The following SARS1 variants were observed in gnomAD, a reference collection of about 807,000 sequenced individuals.
SARS1 encodes the protein seryl-tRNA synthetase 1.
Under a neutral mutation model 63.7 loss-of-function variants are expected in SARS1, and 25 were observed. That is an observed-to-expected ratio of 0.39 (90% CI 0.29 to 0.55). The LOEUF (loss-of-function observed/expected upper bound fraction) is 0.55, where lower values mean the gene tolerates loss of function less well. SARS1 is among the 20% of genes least tolerant of loss of function. The pLI, the probability that SARS1 is intolerant of heterozygous loss-of-function variation, is 0.62. For synonymous variants in SARS1, 231 were observed against 243.5 expected (o/e 0.95, Z 0.48); for missense variants, 417 against 649.7 (o/e 0.64, Z 3.89).
intron 8 of SARS1, 103 bp from the exon 9 acceptor site, chr1:109,236,288 T>A: frequency 7.4e-7 from 1 of 1,353,072 alleles, no homozygotes; most frequent in Non-Finnish European, 1.0e-6. Flanking sequence ...TGATTTCACC[T>A]CTGGAGACAG....
rs1315553476 is a variant in SARS1, at chr1:109,235,813, A to C, written c.970-164A>C. ...GCTGGCATGCATACGGGAAGCTCGC[A>C]CCATAAGCATTTGCTCTTGTGGTCC... On this transcript the variant is annotated intron_variant, in intron 7 of 10. Coordinates refer to ENST00000234677, the MANE Select transcript of SARS1 (RefSeq NM_006513.4). This position sits in a 1 kb window ranked among gnomAD's most constrained non-coding sequence, Gnocchi z 4.7. Among the ~76,000 whole-genome samples, 2 of 152,200 alleles carry C rather than the reference A, an allele frequency of 1.3e-5. No homozygotes were observed. Among genetic ancestry groups the C allele is most frequent in the African/African-American group, 2.4e-5 (1 of 41,452 alleles).
At chr1:109,216,739 AGACTTCT>A (rs1654798166) in intron 1 of SARS1, 1 of 498,660 alleles carries the variant, frequency 2.0e-6, no homozygotes, top group Admixed American at 6.4e-5. Context: ...CTCCTGCCTT[AGACTTCT>A]GACTAGCTGA....
Position 109,213,970 on chromosome 1 carries a change from G to C in SARS1, c.-23G>C. ...TGCGGCGCGATCCTTGCTTCCCTGA[G>C]CGTTGGCCCGGGAGGAAAGAAGATG... On this transcript the variant is annotated 5_prime_UTR_variant, in exon 1 of 11. Transcript: ENST00000234677. 1 of 1,602,156 alleles carries C rather than the reference G, an allele frequency of 6.2e-7. No individual in the cohort carries two copies. Among genetic ancestry groups the C allele is most frequent in the Non-Finnish European group, 8.5e-7 (1 of 1,173,404 alleles).
At chr1:109,219,270 T>TATATATATAC (rs1276166359) in intron 1 of SARS1, among the ~76,000 whole-genome samples, 2 of 59,856 alleles carry the variant, frequency 3.3e-5, no homozygotes, top group African/African-American at 1.3e-4. Flanking sequence ...TCCATATATA[T>TATATATATAC]ATATATATAT....
chr1:109,214,818 T>A lies in SARS1; in HGVS notation c.136+690T>A. On this transcript the variant is annotated intron_variant, in intron 1 of 10. Transcript: ENST00000234677. The surrounding 1 kb of genome is among the most constrained non-coding windows in gnomAD (Gnocchi z 4.6). Reference sequence around the variant, plus strand: ...ATTGTGATTTGTGGACGTTTTCCTTTAAAGACATTGGCAGAGTTGGGCTAG... The same window carrying A: ...ATTGTGATTTGTGGACGTTTTCCTTAAAAGACATTGGCAGAGTTGGGCTAG... 1.0e-6 allele frequency: 1 copy of A among 985,486 alleles called. No individual in the cohort carries two copies. The highest frequency in any genetic ancestry group is 1.2e-6 in the Non-Finnish European group (1 of 829,946). The allele number at this position is 985,486 out of a possible 1,614,324, so 61.0% of individuals were successfully genotyped here.
rs575537187 is a variant in SARS1, at chr1:109,231,305, G to T, written c.591+284G>T. 6.7e-5 allele frequency: 18 copies of T among 267,262 alleles called. No homozygotes were observed. In the East Asian group the frequency reaches 1.3e-3, roughly 19 times the overall value. 16.6% of individuals were successfully genotyped at this position (267,262 alleles called of 1,614,324 possible). On this transcript the variant is annotated intron_variant, in intron 5 of 10. Coordinates refer to ENST00000234677, the MANE Select transcript of SARS1 (RefSeq NM_006513.4). ...TCAGAACAGTCTCTGCCTTTAAGTA[G>T]CTCAGTATAATTGGACAGTCAGACA...
rs41279696 is a variant in SARS1, at chr1:109,237,023, T to G, written c.1258-221T>G. On this transcript the variant is annotated intron_variant, in intron 9 of 10. Transcript: ENST00000234677. This position sits in a 1 kb window ranked among gnomAD's most constrained non-coding sequence, Gnocchi z 4.1. Reference sequence around the variant, plus strand: ...CTCTCAGAATACCAGAAGCTACCACTTGTCACTCATCGAAACATGAGGGAT... The same window carrying G: ...CTCTCAGAATACCAGAAGCTACCACGTGTCACTCATCGAAACATGAGGGAT... 53 of 1,268,202 alleles carry G rather than the reference T, an allele frequency of 4.2e-5. No homozygotes were observed. The highest frequency in any genetic ancestry group is 5.9e-5 in the Admixed American group (2 of 33,740). 78.6% of individuals were successfully genotyped at this position (1,268,202 alleles called of 1,614,324 possible).
Position 109,214,238 on chromosome 1 carries a change from C to T in SARS1, c.136+110C>T. 2 of 1,331,304 alleles carry T rather than the reference C, an allele frequency of 1.5e-6. No individual in the cohort carries two copies. Among genetic ancestry groups the T allele is most frequent in the Non-Finnish European group, 2.0e-6 (2 of 979,718 alleles). 82.5% of individuals were successfully genotyped at this position (1,331,304 alleles called of 1,614,324 possible). A position where few individuals can be genotyped will look rare whatever the true frequency, so the allele number is the denominator to read the frequency against. On this transcript the variant is annotated intron_variant, in intron 1 of 10. Coordinates refer to ENST00000234677, the MANE Select transcript of SARS1 (RefSeq NM_006513.4). The surrounding 1 kb of genome is among the most constrained non-coding windows in gnomAD (Gnocchi z 4.6). Reference sequence around the variant, plus strand: ...GCTTCCACCCTTCGTCAGACCCCCTCCCAGGGTGCGGTGGCTCCGAGGTTC... The same window carrying T: ...GCTTCCACCCTTCGTCAGACCCCCTTCCAGGGTGCGGTGGCTCCGAGGTTC...
rs779096892 is a variant in SARS1 at position 109,235,938 on chromosome 1, T to G, written c.970-39T>G. On this transcript the variant is annotated intron_variant, in intron 7 of 10. Transcript: ENST00000234677. The surrounding 1 kb of genome is among the most constrained non-coding windows in gnomAD (Gnocchi z 4.7). ...TCCCACTTCAGTCCTTTATTCACCCTATACCGCTGTCACCGTTTCCTTGGG... is the reference window on the plus strand; with the variant it reads ...TCCCACTTCAGTCCTTTATTCACCCGATACCGCTGTCACCGTTTCCTTGGG... The G allele has an allele frequency of 5.1e-6, 8 of 1,568,892 alleles. No homozygotes were observed. The Admixed American group carries it at 1.3e-4, about 25-fold the overall frequency.
rs1654748244 is a variant in SARS1, at chr1:109,214,808, C to T, written c.136+680C>T. 3.0e-6 allele frequency: 3 copies of T among 985,312 alleles called. No individual in the cohort carries two copies. In the South Asian group the frequency reaches 1.4e-4, roughly 46 times the overall value. The allele number at this position is 985,312 out of a possible 1,614,324, so 61.0% of individuals were successfully genotyped here. On this transcript the variant is annotated intron_variant, in intron 1 of 10. Transcript: ENST00000234677. This position sits in a 1 kb window ranked among gnomAD's most constrained non-coding sequence, Gnocchi z 4.6. ...AAGCTGTTTAATTGTGATTTGTGGA[C>T]GTTTTCCTTTAAAGACATTGGCAGA...
At chr1:109,228,527 T>A (rs371628963) in intron 3 of SARS1, 95 bp downstream of exon 3, 8 of 784,268 alleles carry the variant, frequency 1.0e-5, no homozygotes, top group African/African-American at 7.0e-5. Context: ...CCACACAGCA[T>A]TGTGACATCC....
chr1:109,215,552 G>C, intron 1 of SARS1: 2 of 985,302 alleles, frequency 2.0e-6, no homozygotes, highest in Non-Finnish European at 2.4e-6. Flanking sequence ...ACTGTACCTG[G>C]TCCTTGGTAA....
At chr1:109,226,953 A>G (rs1381387412) in intron 2 of SARS1, among the ~76,000 whole-genome samples, 1 of 148,382 alleles carries the variant, frequency 6.7e-6, no homozygotes, top group Non-Finnish European at 1.5e-5. Context: ...TTGAAGTCTC[A>G]TGTATCTTAT....
At position 109,214,555 on chromosome 1, in the gene SARS1, G is replaced by C. The variant is rs148074553; in HGVS notation, c.136+427G>C. ...TTCCTTTGTTTTGATAGGATCAAAGGCTTCTCCTGAGACTGCGTCACTTCT... is the reference window on the plus strand; with the variant it reads ...TTCCTTTGTTTTGATAGGATCAAAGCCTTCTCCTGAGACTGCGTCACTTCT... On this transcript the variant is annotated intron_variant, in intron 1 of 10. Transcript: ENST00000234677. This position sits in a 1 kb window ranked among gnomAD's most constrained non-coding sequence, Gnocchi z 4.6. The C allele has an allele frequency of 6.0e-6, 6 of 993,088 alleles. No individual in the cohort carries two copies. The highest frequency in any genetic ancestry group is 4.4e-5 in the South Asian group (1 of 22,612). The allele number at this position is 993,088 out of a possible 1,614,324, so 61.5% of individuals were successfully genotyped here.
chr1:109,218,668 C>G (rs1654849909), intron 1 of SARS1, among the ~76,000 whole-genome samples: 1 of 152,178 alleles, frequency 6.6e-6, no homozygotes, highest in Non-Finnish European at 1.5e-5. Flanking sequence ...TAGCTTATTG[C>G]TACTCCTAGA....
In SARS1 at chr1:109,215,549, C is replaced by T. The variant is rs1335274475; in HGVS notation, c.136+1421C>T. 4 of 985,152 alleles carry T rather than the reference C, an allele frequency of 4.1e-6. No homozygotes were observed. In the African/African-American group the frequency reaches 7.0e-5, roughly 17 times the overall value. 61.0% of individuals were successfully genotyped at this position (985,152 alleles called of 1,614,324 possible). On this transcript the variant is annotated intron_variant, in intron 1 of 10. Coordinates refer to ENST00000234677, the MANE Select transcript of SARS1 (RefSeq NM_006513.4). ...AAAATCCCAGTACCTAGCACTGTAC[C>T]TGGTCCTTGGTAAGGCCTTGATAAA...
intron 2 of SARS1, among the ~76,000 whole-genome samples, chr1:109,225,868 A>G (rs749957687): frequency 2.6e-5 from 4 of 152,224 alleles, no homozygotes; most frequent in Non-Finnish European, 4.4e-5. Flanking sequence ...CCTGGTAACT[A>G]TCTTGCAAAC....
At position 109,214,083 on chromosome 1, in the gene SARS1, G is replaced by A. The variant is rs991767167; in HGVS notation, c.91G>A (p.Gly31Arg). 3 of 1,614,044 alleles carry A rather than the reference G, an allele frequency of 1.9e-6. No individual in the cohort carries two copies. The highest frequency in any genetic ancestry group is 1.3e-5 in the African/African-American group (1 of 74,940). ...ETQEKRFKDPGLVDQLVKADS... is the reference protein window; with the variant it reads ...ETQEKRFKDPRLVDQLVKADS... ...GCAGGAGAAGCGCTTCAAGGACCCG[G>A]GACTAGTGGACCAGCTGGTGAAGGC... Residue 31 changes from glycine to arginine, a missense_variant, in exon 1 of 11, where the codon GGA becomes AGA. Coordinates refer to ENST00000234677, the MANE Select transcript of SARS1 (RefSeq NM_006513.4). The surrounding 1 kb of genome is among the most constrained non-coding windows in gnomAD (Gnocchi z 4.6).
Position 109,229,087 on chromosome 1 carries a change from CAG to C in SARS1, c.289-325_289-324del, listed in dbSNP as rs3834101. ...GCTAAATTGGTTCAGTCAAGAAAATCAGAAAGTGCAAATTAAGGGAAAGTTCT... is the reference window on the plus strand; with the variant it reads ...GCTAAATTGGTTCAGTCAAGAAAATCAAAGTGCAAATTAAGGGAAAGTTCT... On this transcript the variant is annotated intron_variant, in intron 3 of 10. Coordinates refer to ENST00000234677, the MANE Select transcript of SARS1 (RefSeq NM_006513.4). Among the ~76,000 whole-genome samples, 149 of 152,248 alleles carry C rather than the reference CAG, an allele frequency of 9.8e-4. 4 individuals are homozygous for C. In the East Asian group the frequency reaches 0.027, roughly 27 times the overall value.
Sources: gnomAD v4.1 joint callset for allele counts (sites outside exome capture counted in the v4.1 genomes callset) on GRCh38, gnomAD v4.1.1 for gene constraint, Gnocchi (gnomAD v3.1) non-coding constraint, MANE v1.5 for transcripts, NCBI Gene and HGNC (gene_info 2026-07-23, HGNC 2026-07-21) for gene names.